Variants in GRM5 observed in about 807,000 individuals in gnomAD.
The protein encoded by GRM5 is metabotropic glutamate receptor 5.
In GRM5, 19 loss-of-function variants were observed where a neutral mutation model predicts 83.1. The observed-to-expected ratio is 0.23, with a 90% CI of 0.16 to 0.34. The LOEUF (loss-of-function observed/expected upper bound fraction) is 0.34, where lower values mean the gene tolerates loss of function less well. Ranked by LOEUF, GRM5 falls within the 10% of genes least tolerant of loss-of-function variation. The pLI, the probability that GRM5 is intolerant of heterozygous loss-of-function variation, is 1.00. For synonymous variants in GRM5, 675 were observed against 633.6 expected, an observed-to-expected ratio of 1.07 and a Z score of -0.98; for missense variants, 1,160 against 1,588.3, an observed-to-expected ratio of 0.73 and a Z score of 4.58.
intron 3 of GRM5, among the ~76,000 whole-genome samples, chr11:88,842,113 C>T (rs11021561): frequency 0.44 from 66,302 of 151,844 alleles, 14,744 homozygotes; most frequent in African/African-American, 0.5. Context: ...ATTTTAACTT[C>T]TTATAATAGA....
intron 8 of GRM5, among the ~76,000 whole-genome samples, chr11:88,556,383 C>T (rs541941021): frequency 4.0e-5 from 6 of 148,222 alleles, no homozygotes; most frequent in Admixed American, 2.0e-4. Flanking sequence ...AGTGCAATGG[C>T]GCAATCTTGG....
At chr11:88,638,220 G>A (rs1387347104) in intron 4 of GRM5, among the ~76,000 whole-genome samples, 1 of 151,016 alleles carries the variant, frequency 6.6e-6, no homozygotes, top group Non-Finnish European at 1.5e-5. Context: ...ACGAGTTAAT[G>A]GGTGCAGCAC....
chr11:89,026,719 C>T (rs1941138005), intron 2 of GRM5, among the ~76,000 whole-genome samples: 2 of 152,112 alleles, frequency 1.3e-5, no homozygotes, highest in Admixed American at 6.5e-5. Flanking sequence ...CTAAGCCCTG[C>T]TGGAAGGAAG....
At chr11:88,707,935 A>G (rs1427486522) in intron 3 of GRM5, among the ~76,000 whole-genome samples, 1 of 152,070 alleles carries the variant, frequency 6.6e-6, no homozygotes, top group African/African-American at 2.4e-5. Flanking sequence ...CCATCACTGG[A>G]AGGCATTTCT....
At chr11:88,846,141 C>A (rs925117425) in intron 3 of GRM5, among the ~76,000 whole-genome samples, 1 of 152,100 alleles carries the variant, frequency 6.6e-6, no homozygotes, top group Non-Finnish European at 1.5e-5. Flanking sequence ...TCAAATTATT[C>A]AAATAAAGTT....
intron 3 of GRM5, among the ~76,000 whole-genome samples, chr11:88,755,297 T>C (rs1317218124): frequency 6.6e-6 from 1 of 152,088 alleles, no homozygotes; most frequent in African/African-American, 2.4e-5. Context: ...AATTAATATA[T>C]CTGAAATGGG....
chr11:88,579,926 C>T (rs552820536), intron 7 of GRM5, among the ~76,000 whole-genome samples: 10 of 152,214 alleles, frequency 6.6e-5, no homozygotes, highest in South Asian at 4.2e-4. Context: ...AGGTTATTTT[C>T]AGAAGAAAGA....
At chr11:88,740,365 T>C (rs1191059218) in intron 3 of GRM5, among the ~76,000 whole-genome samples, 1 of 152,102 alleles carries the variant, frequency 6.6e-6, no homozygotes, top group Non-Finnish European at 1.5e-5. Context: ...TATTATTGAC[T>C]CATGGATGTT....
chr11:88,795,071 C>A (rs1943250968), intron 3 of GRM5, among the ~76,000 whole-genome samples: 1 of 152,128 alleles, frequency 6.6e-6, no homozygotes, highest in Non-Finnish European at 1.5e-5. Flanking sequence ...AATATTTTAA[C>A]AATCAGAGCT....
intron 3 of GRM5, among the ~76,000 whole-genome samples, chr11:88,756,507 T>C (rs1441820005): frequency 6.6e-6 from 1 of 152,134 alleles, no homozygotes; most frequent in Non-Finnish European, 1.5e-5. Flanking sequence ...ATAAAAAATA[T>C]AAAGTCGAAT....
chr11:88,898,968 T>C (rs867871504), intron 2 of GRM5, among the ~76,000 whole-genome samples: 34 of 151,912 alleles, frequency 2.2e-4, no homozygotes, highest in African/African-American at 6.8e-4. Context: ...GAATTTCTCT[T>C]AGTGGGTCAG....
chr11:88,749,627 TAG>T (rs1942221441), intron 3 of GRM5, among the ~76,000 whole-genome samples: 1 of 151,904 alleles, frequency 6.6e-6, no homozygotes, highest in South Asian at 2.1e-4. Flanking sequence ...TATCAAGCCA[TAG>T]ACACATAATC....
intron 5 of GRM5, among the ~76,000 whole-genome samples, chr11:88,602,963 T>C (rs1182207783): frequency 6.6e-6 from 1 of 152,216 alleles, no homozygotes; most frequent in Non-Finnish European, 1.5e-5. Flanking sequence ...GTCTGCTTCA[T>C]GCCCTTAGAG....
intron 2 of GRM5, among the ~76,000 whole-genome samples, chr11:89,015,516 AACT>A (rs1406718541): frequency 1.2e-4 from 18 of 152,274 alleles, no homozygotes; most frequent in African/African-American, 4.3e-4. Flanking sequence ...TCATAAAAAA[AACT>A]TTTTTTCTGG....
intron 4 of GRM5, among the ~76,000 whole-genome samples, chr11:88,609,732 C>T (rs1482940241): frequency 6.6e-6 from 1 of 152,084 alleles, no homozygotes; most frequent in African/African-American, 2.4e-5. Flanking sequence ...AAGCCCTTTG[C>T]TTAATTAGGT....
At chr11:88,844,802 T>C (rs1414306361) in intron 3 of GRM5, among the ~76,000 whole-genome samples, 1 of 152,104 alleles carries the variant, frequency 6.6e-6, no homozygotes, top group East Asian at 1.9e-4. Flanking sequence ...GTCAAGGAAA[T>C]AACTGAAGAT....
intron 2 of GRM5, among the ~76,000 whole-genome samples, chr11:89,043,651 G>A (rs565195900): frequency 5.9e-5 from 9 of 151,842 alleles, no homozygotes; most frequent in South Asian, 4.1e-4. Flanking sequence ...AAAGTGAGAG[G>A]GATGAGTATG....
intron 1 of GRM5, among the ~76,000 whole-genome samples, chr11:89,064,919 AGAGAGAGAGAGAGAGAGAGAGG>A (rs1942068579): frequency 1.6e-5 from 1 of 63,766 alleles, no homozygotes; most frequent in African/African-American, 5.8e-5. Flanking sequence ...TGTGTGTGAG[AGAGAGAGAGAGAGAGAGAGAGG>A]GAGAGAGAGA....
At chr11:88,719,194 T>G (rs1255934620) in intron 3 of GRM5, among the ~76,000 whole-genome samples, 2 of 151,922 alleles carry the variant, frequency 1.3e-5, no homozygotes, top group African/African-American at 4.8e-5. Context: ...CATTAGTTAT[T>G]TTTACTAACC....
Sources: allele counts gnomAD v4.1 joint callset (sites outside exome capture counted in the v4.1 genomes callset), GRCh38; gene constraint gnomAD v4.1.1; transcripts MANE v1.5; gene names NCBI Gene and HGNC (gene_info 2026-07-23, HGNC 2026-07-21).